Variants in AK4 observed in about 807,000 individuals in gnomAD.
The protein encoded by AK4 is adenylate kinase 4, mitochondrial.
A neutral mutation model predicts 24.6 loss-of-function variants in AK4; 13 were observed. The ratio of observed to expected loss-of-function variants is 0.53; its 90% CI spans 0.34 to 0.84. The LOEUF (loss-of-function observed/expected upper bound fraction) is 0.84, where lower values mean the gene tolerates loss of function less well. Ranked by LOEUF, AK4 falls within the 40% of genes least tolerant of loss-of-function variation. The pLI is 0.01. For missense variants in AK4, 192 were observed against 288.2 expected (o/e 0.67, Z 2.42); for synonymous variants, 88 against 107.0 (o/e 0.82, Z 1.10).
chr1:65,195,521 G>T (rs578016442), intron 2 of AK4, among the ~76,000 whole-genome samples: 79 of 152,248 alleles, frequency 5.2e-4, no homozygotes, highest in African/African-American at 1.9e-3. Flanking sequence ...GTTTAAAAAG[G>T]ATCATCTGTG....
intron 1 of AK4, among the ~76,000 whole-genome samples, chr1:65,182,255 G>C (rs990203347): frequency 6.6e-6 from 1 of 152,132 alleles, no homozygotes; most frequent in Non-Finnish European, 1.5e-5. Flanking sequence ...AGTGCCTTGT[G>C]TGGTACCTGG....
chr1:65,149,309 T>C (rs1570050290), intron 1 of AK4, among the ~76,000 whole-genome samples: 1 of 152,216 alleles, frequency 6.6e-6, no homozygotes, highest in South Asian at 2.1e-4. Flanking sequence ...GCTGGCGTGG[T>C]GAACTTGGGG....
intron 1 of AK4, among the ~76,000 whole-genome samples, chr1:65,165,429 T>C (rs957088987): frequency 3.3e-5 from 5 of 152,118 alleles, no homozygotes; most frequent in African/African-American, 1.2e-4. Context: ...ACACCTTTTG[T>C]CCCAGCTACT....
chr1:65,214,826 T>G (rs572881076), intron 2 of AK4, among the ~76,000 whole-genome samples: 2 of 152,230 alleles, frequency 1.3e-5, no homozygotes, highest in Non-Finnish European at 2.9e-5. Context: ...GGTGACTAAG[T>G]TAGGGAGTTC....
intron 3 of AK4, among the ~76,000 whole-genome samples, chr1:65,220,506 C>T (rs982185251): frequency 6.6e-6 from 1 of 152,158 alleles, no homozygotes; most frequent in Non-Finnish European, 1.5e-5. Flanking sequence ...GATGGAGTCT[C>T]GCTCCATCAC....
chr1:65,179,781 G>A (rs900240487), intron 1 of AK4, among the ~76,000 whole-genome samples: 2 of 152,124 alleles, frequency 1.3e-5, no homozygotes, highest in Non-Finnish European at 2.9e-5. Context: ...TGTGCAGTGA[G>A]CTGTGATCAC....
At chr1:65,160,789 C>G (rs1035322376) in intron 1 of AK4, among the ~76,000 whole-genome samples, 5 of 152,050 alleles carry the variant, frequency 3.3e-5, no homozygotes, top group African/African-American at 1.2e-4. Flanking sequence ...GAGACAAGGT[C>G]TCACTATATT....
chr1:65,167,704 A>T (rs1436006673), intron 1 of AK4, among the ~76,000 whole-genome samples: 1 of 152,202 alleles, frequency 6.6e-6, no homozygotes, highest in Non-Finnish European at 1.5e-5. Context: ...ATTCTATCCA[A>T]GTGGCCATTC....
intron 1 of AK4, among the ~76,000 whole-genome samples, chr1:65,169,124 T>C (rs1314841914): frequency 4.8e-5 from 7 of 146,222 alleles, no homozygotes; most frequent in Non-Finnish European, 4.4e-5. Context: ...TACAGTGAGC[T>C]ATGATTGCAC....
At chr1:65,159,050 TC>T in intron 1 of AK4, among the ~76,000 whole-genome samples, 1 of 152,140 alleles carries the variant, frequency 6.6e-6, no homozygotes. Context: ...GGAGCAAGCA[TC>T]CCTTACTTAG....
rs1314526085 is a variant in AK4, at chr1:65,183,697, G to C, written c.146-7013G>C. Among the ~76,000 whole-genome samples, 3 of 149,256 alleles carry C rather than the reference G, an allele frequency of 2.0e-5. No homozygotes were observed. In the Admixed American group the frequency reaches 2.0e-4, roughly 10 times the overall value. ...TGTGTGTGTGTGTGTGTGTGTGTAT[G>C]TATGTGTCTGTGTTCTCATGGTTTT... On this transcript the variant is annotated intron_variant, in intron 1 of 4. Transcript: ENST00000327299.
chr1:65,201,589 A>G (rs560002721), intron 2 of AK4, among the ~76,000 whole-genome samples: 1 of 152,320 alleles, frequency 6.6e-6, no homozygotes, highest in African/African-American at 2.4e-5. Context: ...GTCATTCCCA[A>G]GAGGGAGTAG....
Position 65,226,529 on chromosome 1 carries a change from C to G in AK4, c.*352C>G, listed in dbSNP as rs1390474188. The G allele has an allele frequency of 5.5e-6, 1 of 182,866 alleles. No individual in the cohort carries two copies. Among genetic ancestry groups the G allele is most frequent in the Non-Finnish European group, 1.1e-5 (1 of 87,388 alleles). The allele number at this position is 182,866 out of a possible 1,614,324, so 11.3% of individuals were successfully genotyped here. ...TTTTGACATGTGATGGTGATAGTCT[C>G]TGGTTCTCCCCATCCCCACAAAGGC... On this transcript the variant is annotated 3_prime_UTR_variant, in exon 5 of 5. Transcript: ENST00000327299.
intron 2 of AK4, among the ~76,000 whole-genome samples, chr1:65,195,782 A>G (rs1176013329): frequency 6.6e-6 from 1 of 152,240 alleles, no homozygotes; most frequent in Non-Finnish European, 1.5e-5. Flanking sequence ...ACTAGTGTAC[A>G]GGTCCTGAAG....
At chr1:65,213,840 T>C (rs1435727187) in intron 2 of AK4, among the ~76,000 whole-genome samples, 5 of 152,170 alleles carry the variant, frequency 3.3e-5, no homozygotes, top group Admixed American at 3.3e-4. Context: ...AAAGAGGTGA[T>C]TAACTTCAAA....
chr1:65,176,919 A>C (rs1474060258), intron 1 of AK4, among the ~76,000 whole-genome samples: 1 of 152,222 alleles, frequency 6.6e-6, no homozygotes, highest in Non-Finnish European at 1.5e-5. Flanking sequence ...CCTTGATAAA[A>C]TGCAGATGTC....
At chr1:65,157,715 A>G (rs921657247) in intron 1 of AK4, among the ~76,000 whole-genome samples, 6 of 152,024 alleles carry the variant, frequency 3.9e-5, no homozygotes, top group Non-Finnish European at 7.4e-5. Flanking sequence ...CTTGAGCCCA[A>G]GAGGTTGAGG....
At chr1:65,206,666 G>A (rs1428342260) in intron 2 of AK4, among the ~76,000 whole-genome samples, 2 of 152,232 alleles carry the variant, frequency 1.3e-5, no homozygotes, top group African/African-American at 4.8e-5. Context: ...CAGCTACTTG[G>A]GTGGGGGGTG....
At chr1:65,184,314 T>C (rs1006028853) in intron 1 of AK4, among the ~76,000 whole-genome samples, 16 of 152,310 alleles carry the variant, frequency 1.1e-4, no homozygotes, top group Admixed American at 7.2e-4. Flanking sequence ...TTATATATAA[T>C]GTTTGGAATC....
Sources: gnomAD v4.1 joint callset for allele counts (sites outside exome capture counted in the v4.1 genomes callset) on GRCh38, gnomAD v4.1.1 for gene constraint, MANE v1.5 for transcripts, NCBI Gene and HGNC (gene_info 2026-07-23, HGNC 2026-07-21) for gene names.